Variants in FBXL17 observed in about 807,000 individuals in gnomAD.
FBXL17 encodes F-box and leucine rich repeat protein 17, also known as F-box/LRR-repeat protein 17.
FBXL17 carries 22 observed loss-of-function variants against 66.2 expected under a neutral mutation model. That is an observed-to-expected ratio of 0.33 (90% confidence interval 0.24 to 0.47). The LOEUF (loss-of-function observed/expected upper bound fraction) is 0.47, where lower values mean the gene tolerates loss of function less well. FBXL17 is among the 20% of genes least tolerant of loss of function. The pLI, the probability that FBXL17 is intolerant of heterozygous loss-of-function variation, is 1.00. For synonymous variants in FBXL17, 474 were observed against 400.5 expected (o/e 1.18, Z -2.19); for missense variants, 878 against 948.2 (o/e 0.93, Z 0.97).
intron 6 of FBXL17, among the ~76,000 whole-genome samples, chr5:108,118,082 G>A (rs1291247159): frequency 3.3e-5 from 5 of 152,132 alleles, no homozygotes; most frequent in African/African-American, 9.7e-5. Flanking sequence ...TCTACCTCAG[G>A]ATTTTTTCAT....
At chr5:107,988,293 T>C (rs1038194342) in intron 7 of FBXL17, among the ~76,000 whole-genome samples, 1 of 152,014 alleles carries the variant, frequency 6.6e-6, no homozygotes, top group Admixed American at 6.6e-5. Flanking sequence ...ACCACTTTTT[T>C]TCTACTGCAG....
chr5:108,381,731 G>A lies in FBXL17; in HGVS notation c.-40C>T, dbSNP rs979877241. 1.4e-6 allele frequency: 2 copies of A among 1,400,280 alleles called. No individual in the cohort carries two copies. The highest frequency in any genetic ancestry group is 1.5e-5 in the African/African-American group (1 of 65,888). The allele number at this position is 1,400,280 out of a possible 1,614,324, so 86.7% of individuals were successfully genotyped here. On this transcript the variant is annotated 5_prime_UTR_variant, in exon 1 of 9. Coordinates refer to ENST00000542267, the MANE Select transcript of FBXL17 (RefSeq NM_001163315.3). ...GGAGGGGGACCGGGACGGGAGGGAG[G>A]GAGACCCAGAGAGGCGGGCTCCCGG...
intron 4 of FBXL17, among the ~76,000 whole-genome samples, chr5:108,285,573 T>C (rs1757866209): frequency 6.6e-6 from 1 of 151,796 alleles, no homozygotes; most frequent in Admixed American, 6.6e-5. Context: ...CCACATACAT[T>C]GTCAATGAGT....
At chr5:107,928,335 G>C (rs760643399) in intron 7 of FBXL17, among the ~76,000 whole-genome samples, 3 of 151,860 alleles carry the variant, frequency 2.0e-5, no homozygotes, top group African/African-American at 7.3e-5. Flanking sequence ...CATTAGTTGA[G>C]AAACATTTAT....
At chr5:108,348,069 T>A (rs1164168194) in intron 4 of FBXL17, among the ~76,000 whole-genome samples, 2 of 152,190 alleles carry the variant, frequency 1.3e-5, no homozygotes, top group African/African-American at 4.8e-5. Flanking sequence ...CCTAGAGATA[T>A]CAGAAAGAAC....
chr5:108,196,029 C>T (rs779889420), intron 5 of FBXL17, among the ~76,000 whole-genome samples: 10 of 151,946 alleles, frequency 6.6e-5, no homozygotes, highest in Non-Finnish European at 1.3e-4. Flanking sequence ...GACATTTACG[C>T]CTCTACATTT....
chr5:107,968,598 G>A (rs1233109503), intron 7 of FBXL17, among the ~76,000 whole-genome samples: 2 of 151,974 alleles, frequency 1.3e-5, no homozygotes, highest in African/African-American at 4.8e-5. Context: ...TGAATGTGAT[G>A]AATCATTACA....
chr5:108,370,981 T>G (rs1749000221), intron 1 of FBXL17, among the ~76,000 whole-genome samples: 1 of 152,140 alleles, frequency 6.6e-6, no homozygotes, highest in Admixed American at 6.5e-5. Flanking sequence ...TTTTTTTTCT[T>G]TAATCCCCTA....
chr5:108,381,914 C>T lies in FBXL17; in HGVS notation c.-223G>A. 5 of 1,258,538 alleles carry T rather than the reference C, an allele frequency of 4.0e-6. No individual in the cohort carries two copies. Among genetic ancestry groups the T allele is most frequent in the Non-Finnish European group, 5.0e-6 (5 of 1,001,690 alleles). The allele number at this position is 1,258,538 out of a possible 1,614,324, so 78.0% of individuals were successfully genotyped here. A position where few individuals can be genotyped will look rare whatever the true frequency, so the allele number is the denominator to read the frequency against. ...GGCTACATGCTTTGCCCAGGGAAGC[C>T]GGGAGAACGATGGGCGCGAGCTTTG... is the stretch of plus-strand genomic sequence containing the variant. On this transcript the variant is annotated 5_prime_UTR_variant, in exon 1 of 9. Coordinates refer to ENST00000542267, the MANE Select transcript of FBXL17 (RefSeq NM_001163315.3).
At chr5:108,275,839 A>T (rs1245957881) in intron 4 of FBXL17, among the ~76,000 whole-genome samples, 1 of 152,102 alleles carries the variant, frequency 6.6e-6, no homozygotes, top group East Asian at 1.9e-4. Flanking sequence ...ACAACACATA[A>T]CCTAACTTTC....
At chr5:108,076,795 C>G (rs1036971767) in intron 6 of FBXL17, among the ~76,000 whole-genome samples, 2 of 152,176 alleles carry the variant, frequency 1.3e-5, no homozygotes, top group Non-Finnish European at 2.9e-5. Flanking sequence ...CATTTACCAC[C>G]TATTCCCTCT....
rs1019622363 is a variant in FBXL17, at chr5:108,199,183, T to C, written c.1615-12936A>G. ...AATATTGCATACTTTGGGTCACTTA[T>C]AACTTCTCACACCAATACAAAAACA... On this transcript the variant is annotated intron_variant, in intron 5 of 8. Coordinates refer to ENST00000542267, the MANE Select transcript of FBXL17 (RefSeq NM_001163315.3). Among the ~76,000 whole-genome samples the C allele has an allele frequency of 5.3e-5, 8 of 152,238 alleles. No individual in the cohort carries two copies. In the East Asian group the frequency reaches 1.4e-3, roughly 26 times the overall value.
chr5:108,039,774 C>A (rs1383303498), intron 6 of FBXL17, among the ~76,000 whole-genome samples: 1 of 151,958 alleles, frequency 6.6e-6, no homozygotes, highest in Non-Finnish European at 1.5e-5. Context: ...AAAAATTAAT[C>A]TTAATAAGAC....
intron 6 of FBXL17, among the ~76,000 whole-genome samples, chr5:108,063,651 A>G (rs1015733557): frequency 1.3e-5 from 2 of 152,330 alleles, no homozygotes; most frequent in African/African-American, 4.8e-5. Context: ...CTTCATATAT[A>G]CATTCATTAA....
intron 1 of FBXL17, among the ~76,000 whole-genome samples, chr5:108,368,701 TTAAC>T (rs1450218553): frequency 6.6e-6 from 1 of 152,076 alleles, no homozygotes; most frequent in Non-Finnish European, 1.5e-5. Context: ...AGACTGGAGT[TTAAC>T]TAATAGTAAT....
intron 4 of FBXL17, among the ~76,000 whole-genome samples, chr5:108,293,195 A>C (rs906975324): frequency 6.6e-6 from 1 of 152,106 alleles, no homozygotes; most frequent in East Asian, 1.9e-4. Context: ...TCATACTTTA[A>C]ATATTTCTTG....
chr5:107,881,127 T>A lies in FBXL17; in HGVS notation c.1875A>T (p.Gly625=), dbSNP rs1748776626. ...YSMTIETVDV[G]WCKEITDQGA... The stretch of plus-strand genomic sequence containing the variant: ...CTTGGTCTGTGATTTCTTTACACCA[T>A]CCGACATCCACAGTCTCTATTGTCA... The change falls in exon 8 of 9, where the codon GGA becomes GGT. Residue 625 remains glycine, a synonymous_variant. Transcript: ENST00000542267. 6.2e-7 allele frequency: 1 copy of A among 1,613,968 alleles called. No homozygotes were observed. Among genetic ancestry groups the A allele is most frequent in the East Asian group, 2.2e-5 (1 of 44,862 alleles).
Position 108,368,543 on chromosome 5 carries a change from C to A in FBXL17, c.994-590G>T, listed in dbSNP as rs76401672. 9.0e-3 allele frequency among the ~76,000 whole-genome samples: 1,370 copies of A among 151,890 alleles called. 22 individuals carry two copies. The highest frequency in any genetic ancestry group is 0.03 in the African/African-American group (1,244 of 41,456). ...TACAAAATACTGGATCAAAACTCCT[C>A]AAAAAATTCAAGGTCATGAAAAACA... On this transcript the variant is annotated intron_variant, in intron 1 of 8. Transcript: ENST00000542267.
intron 4 of FBXL17, among the ~76,000 whole-genome samples, chr5:108,266,525 ACT>A (rs1757052645): frequency 1.3e-5 from 2 of 152,008 alleles, no homozygotes; most frequent in African/African-American, 4.8e-5. Flanking sequence ...TGTTGAAGTA[ACT>A]CTTTCTTCAG....
Sources: gnomAD v4.1 joint callset for allele counts (sites outside exome capture counted in the v4.1 genomes callset) on GRCh38, gnomAD v4.1.1 for gene constraint, MANE v1.5 for transcripts, NCBI Gene and HGNC (gene_info 2026-07-23, HGNC 2026-07-21) for gene names.